Variants in SLC44A1 observed in about 807,000 individuals in gnomAD.
SLC44A1 encodes choline transporter-like protein 1.
In SLC44A1, 26 loss-of-function variants were observed where a neutral mutation model predicts 79.3. The observed-to-expected ratio is 0.33, with a 90% CI of 0.24 to 0.46. The LOEUF is 0.46. SLC44A1 is among the 20% of genes least tolerant of loss of function. SLC44A1 has a pLI of 1.00. For synonymous variants in SLC44A1, 263 were observed against 286.2 expected (o/e 0.92, Z 0.82); for missense variants, 688 against 798.1 (o/e 0.86, Z 1.66).
At position 105,271,768 on chromosome 9, in the gene SLC44A1, C is replaced by G. The variant is rs1830083589; in HGVS notation, c.36+26864C>G. 2.0e-5 allele frequency among the ~76,000 whole-genome samples: 3 copies of G among 152,134 alleles called. No homozygotes were observed. In the South Asian group the frequency reaches 6.2e-4, roughly 31 times the overall value. ...AGCTGGGATTATAGACACCTGCCAT[C>G]ACGCCTGGCTAATTTTTGTAGTTTT... On this transcript the variant is annotated intron_variant, in intron 1 of 15. Transcript: ENST00000374720.
chr9:105,427,740 T>C (rs909963183), intron 15 of SLC44A1, among the ~76,000 whole-genome samples: 3 of 152,228 alleles, frequency 2.0e-5, no homozygotes, highest in African/African-American at 7.2e-5. Flanking sequence ...CTATGAATGT[T>C]GATACATATT....
At chr9:105,400,052 G>A (rs1025149595), downstream of SLC44A1, among the ~76,000 whole-genome samples, 1 of 151,786 alleles carries the variant, frequency 6.6e-6, no homozygotes, top group African/African-American at 2.4e-5. Flanking sequence ...AGAATTATCC[G>A]GGCACGGTGT....
intron 4 of SLC44A1, among the ~76,000 whole-genome samples, chr9:105,342,987 A>AT (rs1321157256): frequency 0.02 from 2,927 of 146,046 alleles, 45 homozygotes; most frequent in East Asian, 0.054. Flanking sequence ...AAAAAAAAAA[A>AT]ATATATATAT....
intron 15 of SLC44A1, among the ~76,000 whole-genome samples, chr9:105,424,542 A>G (rs1760764580): frequency 6.6e-6 from 1 of 152,214 alleles, no homozygotes; most frequent in South Asian, 2.1e-4. Flanking sequence ...CTAACTAGTC[A>G]TACTAACTAA....
chr9:105,262,153 A>G (rs1338211699), intron 1 of SLC44A1, among the ~76,000 whole-genome samples: 1 of 152,162 alleles, frequency 6.6e-6, no homozygotes, highest in African/African-American at 2.4e-5. Context: ...TCCTTGCTAG[A>G]TTTTAAACTA....
Position 105,390,552 on chromosome 9 carries a change from C to T in SLC44A1, c.*1496C>T. ...GAATTAGATCGGTATTATGGAAATGCATACAAGTAATGTCACTAGGGCTTA... is the reference window on the plus strand; with the variant it reads ...GAATTAGATCGGTATTATGGAAATGTATACAAGTAATGTCACTAGGGCTTA... On this transcript the variant is annotated 3_prime_UTR_variant, in exon 16 of 16. Coordinates refer to ENST00000374720, the MANE Select transcript of SLC44A1 (RefSeq NM_080546.5). 2 of 985,124 alleles carry T rather than the reference C, an allele frequency of 2.0e-6. No individual in the cohort carries two copies. The highest frequency in any genetic ancestry group is 2.4e-6 in the Non-Finnish European group (2 of 829,812). The allele number at this position is 985,124 out of a possible 1,614,324, so 61.0% of individuals were successfully genotyped here. A position where few individuals can be genotyped will look rare whatever the true frequency, so the allele number is the denominator to read the frequency against.
At position 105,396,551 on chromosome 9, in the gene SLC44A1, T is replaced by C; in HGVS notation, c.*7495T>C. 3.0e-6 allele frequency: 3 copies of C among 985,420 alleles called. No homozygotes were observed. Among genetic ancestry groups the C allele is most frequent in the Non-Finnish European group, 3.6e-6 (3 of 829,940 alleles). The allele number at this position is 985,420 out of a possible 1,614,324, so 61.0% of individuals were successfully genotyped here. ...CAGTCAATACAGTAGGGACCTGCTATTGATCTCTCAGGCACTGAGTCTTCA... is the reference window on the plus strand; with the variant it reads ...CAGTCAATACAGTAGGGACCTGCTACTGATCTCTCAGGCACTGAGTCTTCA... On this transcript the variant is annotated 3_prime_UTR_variant, in exon 16 of 16. Coordinates refer to ENST00000374720, the MANE Select transcript of SLC44A1 (RefSeq NM_080546.5).
chr9:105,315,498 T>C (rs1831298753), intron 3 of SLC44A1, among the ~76,000 whole-genome samples: 1 of 152,158 alleles, frequency 6.6e-6, no homozygotes. Flanking sequence ...TTAGTGTCTC[T>C]GGTTCAGTCT....
chr9:105,378,835 G>T (rs944526145), intron 13 of SLC44A1, among the ~76,000 whole-genome samples: 7 of 152,104 alleles, frequency 4.6e-5, no homozygotes, highest in African/African-American at 1.4e-4. Flanking sequence ...TAATCAGGTA[G>T]TTCAACTAAT....
In SLC44A1 at chr9:105,396,680, T is replaced by C. The variant is rs1828883156; in HGVS notation, c.*7624T>C. ...GCTGTGTAATGTGGCATGAGAAGTATGTTTTGGTGCCACATATTTCTCAAT... is the reference window on the plus strand; with the variant it reads ...GCTGTGTAATGTGGCATGAGAAGTACGTTTTGGTGCCACATATTTCTCAAT... On this transcript the variant is annotated 3_prime_UTR_variant, in exon 16 of 16. Coordinates refer to ENST00000374720, the MANE Select transcript of SLC44A1 (RefSeq NM_080546.5). The C allele has an allele frequency of 1.0e-6, 1 of 985,288 alleles. No individual in the cohort carries two copies. Among genetic ancestry groups the C allele is most frequent in the Non-Finnish European group, 1.2e-6 (1 of 829,872 alleles). 61.0% of individuals were successfully genotyped at this position (985,288 alleles called of 1,614,324 possible).
intron 4 of SLC44A1, among the ~76,000 whole-genome samples, chr9:105,342,786 G>A (rs1827136895): frequency 6.6e-6 from 1 of 152,096 alleles, no homozygotes; most frequent in African/African-American, 2.4e-5. Flanking sequence ...TGCACCAGAT[G>A]CTTTGCGTAT....
At chr9:105,428,578 G>A (rs370564331) in intron 15 of SLC44A1, among the ~76,000 whole-genome samples, 1 of 152,240 alleles carries the variant, frequency 6.6e-6, no homozygotes, top group Non-Finnish European at 1.5e-5. Flanking sequence ...AAGACTGATT[G>A]TTGGGAGGAT....
intron 13 of SLC44A1, among the ~76,000 whole-genome samples, chr9:105,382,074 G>C (rs1828484293): frequency 1.3e-5 from 2 of 152,238 alleles, no homozygotes; most frequent in South Asian, 4.1e-4. Context: ...AAATATTTCT[G>C]AGTTTTTATC....
In SLC44A1 at chr9:105,390,319, C is replaced by A; in HGVS notation, c.*1263C>A. On this transcript the variant is annotated 3_prime_UTR_variant, in exon 16 of 16. Transcript: ENST00000374720. Reference sequence around the variant, plus strand: ...AAGAATAATTCATGATCTGTTTATGCGATAACTCCTTTTTGTTACAATTTT... The same window carrying A: ...AAGAATAATTCATGATCTGTTTATGAGATAACTCCTTTTTGTTACAATTTT... 1 of 983,038 alleles carries A rather than the reference C, an allele frequency of 1.0e-6. No individual in the cohort carries two copies. Among genetic ancestry groups the A allele is most frequent in the Non-Finnish European group, 1.2e-6 (1 of 829,134 alleles). 60.9% of individuals were successfully genotyped at this position (983,038 alleles called of 1,614,324 possible).
chr9:105,266,371 A>G (rs1364119523), intron 1 of SLC44A1, among the ~76,000 whole-genome samples: 1 of 152,216 alleles, frequency 6.6e-6, no homozygotes, highest in African/African-American at 2.4e-5. Flanking sequence ...TATCATAGCT[A>G]GGAACACTGC....
chr9:105,256,485 A>G (rs1424989176), intron 1 of SLC44A1, among the ~76,000 whole-genome samples: 1 of 152,008 alleles, frequency 6.6e-6, no homozygotes, highest in Admixed American at 6.5e-5. Context: ...CTCCTCGTTT[A>G]TCAAAGACCC....
rs1828846143 is a variant in SLC44A1, at chr9:105,394,981, C to G, written c.*5925C>G. On this transcript the variant is annotated 3_prime_UTR_variant, in exon 16 of 16. Transcript: ENST00000374720. The stretch of plus-strand genomic sequence containing the variant: ...TGCACCTTACTATTAGGTAAGGGTG[C>G]TGCATCTACATGGAAGGCTCCCTGG... 1 of 985,264 alleles carries G rather than the reference C, an allele frequency of 1.0e-6. No individual in the cohort carries two copies. The highest frequency in any genetic ancestry group is 1.2e-6 in the Non-Finnish European group (1 of 829,936). 61.0% of individuals were successfully genotyped at this position (985,264 alleles called of 1,614,324 possible).
chr9:105,381,408 G>A (rs988025835), intron 13 of SLC44A1, among the ~76,000 whole-genome samples: 1 of 151,950 alleles, frequency 6.6e-6, no homozygotes, highest in Admixed American at 6.6e-5. Context: ...AATTAGCCAG[G>A]TGTGGTGACG....
intron 13 of SLC44A1, among the ~76,000 whole-genome samples, chr9:105,379,234 C>T (rs376277984): frequency 9.2e-5 from 14 of 152,214 alleles, no homozygotes; most frequent in East Asian, 3.9e-4. Context: ...GTGATCACAC[C>T]GCTGCATTCC....
Sources: allele counts gnomAD v4.1 joint callset (sites outside exome capture counted in the v4.1 genomes callset), GRCh38; gene constraint gnomAD v4.1.1; transcripts MANE v1.5; gene names NCBI Gene and HGNC (gene_info 2026-07-23, HGNC 2026-07-21).